GPHN: variants seen among roughly 807,000 people sequenced by gnomAD.
GPHN encodes the protein gephyrin.
In GPHN, 17 loss-of-function variants were observed where a neutral mutation model predicts 95.5. The observed-to-expected ratio is 0.18, with a 90% CI of 0.12 to 0.27. The LOEUF (loss-of-function observed/expected upper bound fraction) is 0.27, where lower values mean the gene tolerates loss of function less well. Ranked by LOEUF, GPHN falls within the 10% of genes least tolerant of loss-of-function variation. The pLI is 1.00. For missense variants in GPHN, 660 were observed against 978.1 expected, an observed-to-expected ratio of 0.67 and a Z score of 4.34; for synonymous variants, 320 against 322.5, an observed-to-expected ratio of 0.99 and a Z score of 0.08.
chr14:66,617,917 C>T (rs1481960949), intron 1 of GPHN, among the ~76,000 whole-genome samples: 1 of 152,046 alleles, frequency 6.6e-6, no homozygotes. Context: ...GTGCTTGGGA[C>T]TTTCACATAA....
chr14:66,576,755 T>A (rs964454884), intron 1 of GPHN, among the ~76,000 whole-genome samples: 3 of 152,174 alleles, frequency 2.0e-5, no homozygotes, highest in African/African-American at 7.2e-5. Context: ...TCAAGACTAT[T>A]ATGATTAAGA....
At chr14:67,474,501 C>T in the GPHN span, among the ~76,000 whole-genome samples, 1 of 152,160 alleles carries the variant, frequency 6.6e-6, no homozygotes, top group Non-Finnish European at 1.5e-5. Flanking sequence ...TCCACTTCTT[C>T]TCAAACAGTT....
chr14:66,583,902 G>GT (rs1207501589), intron 1 of GPHN, among the ~76,000 whole-genome samples: 7 of 151,838 alleles, frequency 4.6e-5, no homozygotes, highest in Non-Finnish European at 1.0e-4. Context: ...CTTTAAAGTA[G>GT]TTTTTTCCAA....
intron 8 of GPHN, among the ~76,000 whole-genome samples, chr14:66,952,794 A>G (rs946143722): frequency 6.6e-6 from 1 of 152,074 alleles, no homozygotes; most frequent in Non-Finnish European, 1.5e-5. Context: ...TCCCGGGTTC[A>G]AGTGATTCTC....
intron 9 of GPHN, among the ~76,000 whole-genome samples, chr14:66,994,483 G>C (rs890870039): frequency 6.6e-6 from 1 of 152,114 alleles, no homozygotes; most frequent in Non-Finnish European, 1.5e-5. Context: ...GAATGGAAGT[G>C]ACCCATTTCT....
chr14:67,698,507 G>A, the GPHN span, among the ~76,000 whole-genome samples: 1 of 152,136 alleles, frequency 6.6e-6, no homozygotes, highest in East Asian at 1.9e-4. Context: ...TTATGAAATG[G>A]GTAGAGGGAG....
At chr14:67,090,496 CAT>C (rs1302580865) in intron 12 of GPHN, among the ~76,000 whole-genome samples, 1 of 152,018 alleles carries the variant, frequency 6.6e-6, no homozygotes, top group Non-Finnish European at 1.5e-5. Flanking sequence ...ATATATGAAA[CAT>C]AAATTAATTT....
At chr14:66,795,179 T>G (rs2060112709) in intron 3 of GPHN, among the ~76,000 whole-genome samples, 1 of 152,184 alleles carries the variant, frequency 6.6e-6, no homozygotes, top group Non-Finnish European at 1.5e-5. Flanking sequence ...AATTGACACT[T>G]TTAACATTCT....
intron 5 of GPHN, among the ~76,000 whole-genome samples, chr14:66,900,242 T>G (rs1415392348): frequency 6.6e-6 from 1 of 151,916 alleles, no homozygotes; most frequent in Non-Finnish European, 1.5e-5. Flanking sequence ...AATTTCACTG[T>G]TATCTGCTCT....
chr14:66,880,078 T>G, intron 5 of GPHN, 45 bp downstream of exon 5: 1 of 1,161,190 alleles, frequency 8.6e-7, no homozygotes. Context: ...CTAGGTGAAC[T>G]GTTTCCGTGA....
At chr14:67,395,363 G>A in the GPHN span, 3 of 1,593,234 alleles carry the variant, frequency 1.9e-6, no homozygotes, top group African/African-American at 1.3e-5. Context: ...AACACAGGCA[G>A]GAGAGGCTGC....
At chr14:67,382,600 A>G in the GPHN span, 1 of 1,613,798 alleles carries the variant, frequency 6.2e-7, no homozygotes, top group Non-Finnish European at 8.5e-7. Context: ...GGTGAGATCA[A>G]TAGATTCATT....
chr14:67,455,972 T>C, the GPHN span, among the ~76,000 whole-genome samples: 15 of 152,222 alleles, frequency 9.9e-5, no homozygotes, highest in Non-Finnish European at 1.8e-4. Context: ...AAATGGGACC[T>C]AATTAAACTA....
the GPHN span, chr14:67,242,074 G>T: frequency 6.6e-6 from 1 of 152,200 alleles, no homozygotes. Flanking sequence ...TTTTGTTCAT[G>T]GTTTCTGATA....
chr14:67,168,334 G>T (rs1210505603), intron 20 of GPHN, among the ~76,000 whole-genome samples: 1 of 151,992 alleles, frequency 6.6e-6, no homozygotes, highest in African/African-American at 2.4e-5. Flanking sequence ...CTCCTTAAAG[G>T]CCCTATCTCC....
the GPHN span, among the ~76,000 whole-genome samples, chr14:67,594,634 A>G: frequency 6.6e-6 from 1 of 151,228 alleles, no homozygotes. Flanking sequence ...GCCTGATGAC[A>G]GAGTGAGACA....
chr14:67,133,970 GA>G (rs1318290380), intron 17 of GPHN, among the ~76,000 whole-genome samples: 2 of 152,196 alleles, frequency 1.3e-5, no homozygotes, highest in Non-Finnish European at 2.9e-5. Flanking sequence ...AAAGGGAGAA[GA>G]GTATTATCTA....
chr14:67,206,367 G>A, the GPHN span, among the ~76,000 whole-genome samples: 2 of 151,482 alleles, frequency 1.3e-5, no homozygotes, highest in East Asian at 3.9e-4. Flanking sequence ...GTGGTAGTGG[G>A]TGCCTGTAAT....
At chr14:66,729,782 A>G (rs1042017171) in intron 2 of GPHN, among the ~76,000 whole-genome samples, 30 of 152,260 alleles carry the variant, frequency 2.0e-4, no homozygotes, top group Non-Finnish European at 3.8e-4. Context: ...GAATACGTTG[A>G]AAATAAAGGT....
Sources: allele counts gnomAD v4.1 joint callset (sites outside exome capture counted in the v4.1 genomes callset), GRCh38; gene constraint gnomAD v4.1.1; transcripts MANE v1.5; gene names NCBI Gene and HGNC (gene_info 2026-07-23, HGNC 2026-07-21).